The following PPA2 variants were observed in gnomAD, a reference collection of about 807,000 sequenced individuals.
PPA2 encodes the protein inorganic pyrophosphatase 2, mitochondrial.
PPA2 carries 48 observed loss-of-function variants against 49.5 expected under a neutral mutation model. That is an observed-to-expected ratio of 0.97 (90% CI 0.77 to 1.23). PPA2 has a LOEUF of 1.23. PPA2 is among the 50% of genes most tolerant of loss of function. The probability of loss-of-function intolerance (pLI) is 0.00; values close to 1 mark genes in which losing one functional copy is unlikely to be tolerated. For missense variants in PPA2, 429 were observed against 410.1 expected, an observed-to-expected ratio of 1.05 and a Z score of -0.40; for synonymous variants, 131 against 139.9, an observed-to-expected ratio of 0.94 and a Z score of 0.45.
At chr4:105,418,693 A>G (rs1723117508) in intron 7 of PPA2, among the ~76,000 whole-genome samples, 1 of 152,238 alleles carries the variant, frequency 6.6e-6, no homozygotes, top group South Asian at 2.1e-4. Flanking sequence ...GTAAACAGTT[A>G]TTGCAGCACA....
intron 7 of PPA2, among the ~76,000 whole-genome samples, chr4:105,419,705 C>T (rs1452516690): frequency 6.6e-6 from 1 of 152,072 alleles, no homozygotes; most frequent in Admixed American, 6.5e-5. Flanking sequence ...AAAGTCTGTA[C>T]ATATGTTAAT....
chr4:105,463,480 A>AT (rs949433631), intron 1 of PPA2, among the ~76,000 whole-genome samples: 3 of 152,196 alleles, frequency 2.0e-5, no homozygotes, highest in African/African-American at 7.2e-5. Context: ...AGAAAATCCC[A>AT]TTTTTTGAGA....
intron 1 of PPA2, among the ~76,000 whole-genome samples, chr4:105,466,161 T>C (rs1723292420): frequency 6.6e-6 from 1 of 152,170 alleles, no homozygotes; most frequent in Admixed American, 6.5e-5. Flanking sequence ...TTGATTGCCA[T>C]TTCTTCACAG....
At chr4:105,383,613 A>G (rs191036379) in intron 10 of PPA2, among the ~76,000 whole-genome samples, 15 of 152,302 alleles carry the variant, frequency 9.8e-5, no homozygotes, top group Admixed American at 9.2e-4. Context: ...TAAAATCTCA[A>G]TCAACACACC....
chr4:105,408,292 G>C (rs17035568), intron 7 of PPA2, among the ~76,000 whole-genome samples: 1 of 152,016 alleles, frequency 6.6e-6, no homozygotes, highest in Admixed American at 6.6e-5. Flanking sequence ...AGGGTGAAAA[G>C]CTCAGTGTGT....
At chr4:105,438,229 T>C (rs994732040) in intron 5 of PPA2, among the ~76,000 whole-genome samples, 193 bp from the exon 6 acceptor site, 2 of 152,240 alleles carry the variant, frequency 1.3e-5, no homozygotes, top group African/African-American at 4.8e-5. Flanking sequence ...TTTATAGTAT[T>C]TCCTCCATCT....
chr4:105,391,160 G>A (rs981373368), intron 9 of PPA2, among the ~76,000 whole-genome samples: 7 of 151,886 alleles, frequency 4.6e-5, no homozygotes, highest in Non-Finnish European at 7.4e-5. Context: ...ACAGGGAAGG[G>A]AACAACACAC....
chr4:105,394,395 G>GAAAGA (rs145942661), intron 9 of PPA2, among the ~76,000 whole-genome samples: 7 of 137,648 alleles, frequency 5.1e-5, no homozygotes, highest in South Asian at 2.3e-4. Context: ...AAAAAAGAAA[G>GAAAGA]AAAAAAAAAG....
intron 10 of PPA2, among the ~76,000 whole-genome samples, chr4:105,375,776 T>C (rs1733226294): frequency 6.6e-6 from 1 of 152,072 alleles, no homozygotes; most frequent in Non-Finnish European, 1.5e-5. Flanking sequence ...AAGCCCTAAA[T>C]AGAGATAAAG....
Position 105,384,567 on chromosome 4 carries a change from A to G in PPA2, c.939+2000T>C, listed in dbSNP as rs145567059. The stretch of plus-strand genomic sequence containing the variant: ...CATGGAATAGACTTAATCTGAGATT[A>G]GTGAGACAGACTGCTTGTACAAAGA... On this transcript the variant is annotated intron_variant, in intron 10 of 11. Transcript: ENST00000341695. Among the ~76,000 whole-genome samples the G allele has an allele frequency of 3.5e-3, 527 of 152,356 alleles. 1 individual carries two copies. The highest frequency in any genetic ancestry group is 5.9e-3 in the Non-Finnish European group (401 of 68,030).
rs868284416 is a variant in PPA2 at position 105,474,043 on chromosome 4, G to A, written c.8C>T (p.Ala3Val). 6.9e-6 allele frequency: 11 copies of A among 1,585,070 alleles called. No individual in the cohort carries two copies. The highest frequency in any genetic ancestry group is 8.6e-6 in the Non-Finnish European group (10 of 1,165,026). The change falls in exon 1 of 12, where the codon GCG (alanine) becomes GTG (valine). Residue 3 changes from alanine (A) to valine (V), a missense_variant. Coordinates refer to ENST00000341695, the MANE Select transcript of PPA2 (RefSeq NM_176869.3). ...ACCCGTGCGCAGCAGCCGCAGCAGC[G>A]CGCTCATGGCGTCAATGACGGTCCT... MS[A>V]LLRLLRTGAP...
intron 4 of PPA2, 56 bp from the exon 5 acceptor site, chr4:105,446,558 T>C: frequency 6.5e-7 from 1 of 1,535,058 alleles, no homozygotes; most frequent in Non-Finnish European, 8.8e-7. Context: ...ATTAATTCTA[T>C]GTCCAAATAG....
At chr4:105,461,332 C>T (rs1464852569) in intron 1 of PPA2, among the ~76,000 whole-genome samples, 3 of 152,108 alleles carry the variant, frequency 2.0e-5, no homozygotes, top group African/African-American at 7.2e-5. Context: ...TCTCTGATGT[C>T]GAAAGGTGAA....
At chr4:105,426,468 G>C (rs1274189693) in intron 6 of PPA2, among the ~76,000 whole-genome samples, 2 of 152,210 alleles carry the variant, frequency 1.3e-5, no homozygotes, top group African/African-American at 2.4e-5. Flanking sequence ...GAGGAATGGT[G>C]CACACCTGCC....
At position 105,424,250 on chromosome 4, in the gene PPA2, C is replaced by T; in HGVS notation, c.601G>A (p.Asp201Asn). The part of the protein sequence containing the change: ...ILALIDEGET[D>N]WKLIAINAND... ...GCATTGATAGCAATTAATTTCCAATCTGTTTCACCTTCATCAATAAGAGCC... is the reference window on the plus strand; with the variant it reads ...GCATTGATAGCAATTAATTTCCAATTTGTTTCACCTTCATCAATAAGAGCC... The change falls in exon 7 of 12, where the codon GAT (aspartate) becomes AAT (asparagine). Residue 201 changes from aspartate (D) to asparagine (N), a missense_variant. Asp to Asn is a conservative substitution (Grantham distance 23). Transcript: ENST00000341695. 1.9e-6 allele frequency: 3 copies of T among 1,609,810 alleles called. No individual in the cohort carries two copies. The highest frequency in any genetic ancestry group is 2.5e-6 in the Non-Finnish European group (3 of 1,178,874).
intron 1 of PPA2, among the ~76,000 whole-genome samples, chr4:105,458,392 A>T (rs1722950560): frequency 6.6e-6 from 1 of 152,168 alleles, no homozygotes; most frequent in African/African-American, 2.4e-5. Flanking sequence ...TTAAGATGAT[A>T]AAATTAGGGA....
At chr4:105,443,992 T>C (rs1724493689) in intron 5 of PPA2, among the ~76,000 whole-genome samples, 1 of 152,222 alleles carries the variant, frequency 6.6e-6, no homozygotes, top group South Asian at 2.1e-4. Flanking sequence ...TAACTTTTCT[T>C]TGACATACTT....
chr4:105,369,627 T>A lies in PPA2; in HGVS notation c.*98A>T. 1 of 1,182,290 alleles carries A rather than the reference T, an allele frequency of 8.5e-7. No individual in the cohort carries two copies. The highest frequency in any genetic ancestry group is 1.2e-6 in the Non-Finnish European group (1 of 804,814). The allele number at this position is 1,182,290 out of a possible 1,614,324, so 73.2% of individuals were successfully genotyped here. On this transcript the variant is annotated 3_prime_UTR_variant, in exon 12 of 12. Transcript: ENST00000341695. Reference sequence around the variant, plus strand: ...TCAAAAAGTTTGAAAAAATGAAGTTTTAACAGGAAGTCAGTAAATGCTCAT... The same window carrying A: ...TCAAAAAGTTTGAAAAAATGAAGTTATAACAGGAAGTCAGTAAATGCTCAT...
chr4:105,386,739 T>C, intron 9 of PPA2, 103 bp from the exon 10 acceptor site: 1 of 838,466 alleles, frequency 1.2e-6, no homozygotes, highest in Non-Finnish European at 1.9e-6. Flanking sequence ...TGTTGTATAA[T>C]TTTAACCAAT....
Sources: gnomAD v4.1 joint callset for allele counts (sites outside exome capture counted in the v4.1 genomes callset) on GRCh38, gnomAD v4.1.1 for gene constraint, MANE v1.5 for transcripts, NCBI Gene and HGNC (gene_info 2026-07-23, HGNC 2026-07-21) for gene names.